Variants in LIMS4 observed in about 807,000 individuals in gnomAD.
LIMS4 encodes LIM zinc finger domain containing 4.
the LIMS4 span, among the ~76,000 whole-genome samples, chr2:110,368,769 TA>T: frequency 3.0e-5 from 4 of 134,130 alleles, no homozygotes; most frequent in African/African-American, 1.2e-4. Context: ...TCTCTAGCTG[TA>T]AATATAACCT....
the LIMS4 span, among the ~76,000 whole-genome samples, chr2:110,368,050 A>G: frequency 6.9e-6 from 1 of 144,854 alleles, no homozygotes; most frequent in Admixed American, 6.8e-5. Context: ...ATACATAAAC[A>G]TAATATATAT....
At chr2:110,397,006 C>T in the LIMS4 span, among the ~76,000 whole-genome samples, 1 of 2,498 alleles carries the variant, frequency 4.0e-4, no homozygotes, top group Non-Finnish European at 1.0e-3. Flanking sequence ...TCAGGAGCAG[C>T]GTACTCTCAA....
At chr2:110,397,814 C>T in the LIMS4 span, among the ~76,000 whole-genome samples, 2 of 902 alleles carry the variant, frequency 2.2e-3, no homozygotes, top group African/African-American at 6.5e-3. Context: ...TCAGTTTTCT[C>T]CCTCCACAAT....
chr2:110,401,462 CG>C, the LIMS4 span, among the ~76,000 whole-genome samples: 1 of 138,778 alleles, frequency 7.2e-6, no homozygotes, highest in African/African-American at 2.9e-5. Context: ...CTTTTCCAGG[CG>C]TAACAGAGGG....
chr2:110,372,080 G>A, the LIMS4 span, among the ~76,000 whole-genome samples: 2 of 149,184 alleles, frequency 1.3e-5, no homozygotes, highest in Non-Finnish European at 3.0e-5. Context: ...ACCTCAGCCA[G>A]CAAAGGAGAG....
the LIMS4 span, chr2:110,388,105 ATC>A: frequency 1.0e-5 from 1 of 99,234 alleles, no homozygotes; most frequent in Non-Finnish European, 1.9e-5. Context: ...GAATTGAAAT[ATC>A]TCTAGTCAAA....
the LIMS4 span, among the ~76,000 whole-genome samples, chr2:110,411,721 T>C: frequency 3.3e-5 from 3 of 90,650 alleles, no homozygotes; most frequent in Admixed American, 3.9e-4. Flanking sequence ...GACCAGCACC[T>C]CATCACCCCC....
At chr2:110,425,902 AAC>A in the LIMS4 span, among the ~76,000 whole-genome samples, 1 of 120,880 alleles carries the variant, frequency 8.3e-6, no homozygotes, top group East Asian at 2.2e-4. Flanking sequence ...CCTGCATTGC[AAC>A]ACCAGAATTG....
At chr2:110,367,821 T>C in the LIMS4 span, among the ~76,000 whole-genome samples, 7 of 139,456 alleles carry the variant, frequency 5.0e-5, no homozygotes, top group Non-Finnish European at 7.6e-5. Flanking sequence ...AGGTGGAGAT[T>C]GCAGTGAGTC....
At chr2:110,372,502 G>GT in the LIMS4 span, among the ~76,000 whole-genome samples, 15 of 142,762 alleles carry the variant, frequency 1.1e-4, no homozygotes, top group East Asian at 2.9e-3. Flanking sequence ...TCTTTTTTAT[G>GT]TTTTTTATTT....
chr2:110,419,746 T>C, the LIMS4 span, among the ~76,000 whole-genome samples: 2 of 17,116 alleles, frequency 1.2e-4, no homozygotes, highest in Non-Finnish European at 1.7e-4. Context: ...TTAACATAAT[T>C]AACTATAACT....
At chr2:110,368,908 T>TA in the LIMS4 span, among the ~76,000 whole-genome samples, 1 of 142,350 alleles carries the variant, frequency 7.0e-6, no homozygotes, top group Non-Finnish European at 1.5e-5. Flanking sequence ...TTTTTTTTTT[T>TA]TAACAGATTC....
chr2:110,372,704 C>T, the LIMS4 span, among the ~76,000 whole-genome samples: 1 of 148,828 alleles, frequency 6.7e-6, no homozygotes, highest in Non-Finnish European at 1.5e-5. Context: ...TGGGGTTTTG[C>T]CATGTTGGCC....
At chr2:110,425,335 G>A in the LIMS4 span, among the ~76,000 whole-genome samples, 1 of 141,824 alleles carries the variant, frequency 7.1e-6, no homozygotes, top group Admixed American at 6.9e-5. Flanking sequence ...AGTGGTGATT[G>A]CACCACTGTA....
chr2:110,425,609 A>C, the LIMS4 span, among the ~76,000 whole-genome samples: 1 of 142,046 alleles, frequency 7.0e-6, no homozygotes, highest in South Asian at 2.2e-4. Context: ...TGGTGGAATC[A>C]CCCTTAACCC....
the LIMS4 span, among the ~76,000 whole-genome samples, chr2:110,370,871 TAG>T: frequency 1.4e-5 from 2 of 139,156 alleles, no homozygotes; most frequent in South Asian, 2.3e-4. Context: ...TAGGTCAGAG[TAG>T]AGTTTTTAGG....
the LIMS4 span, among the ~76,000 whole-genome samples, chr2:110,372,411 GA>G: frequency 1.5e-5 from 2 of 135,924 alleles, no homozygotes; most frequent in Non-Finnish European, 3.0e-5. Flanking sequence ...CTCAGCGAGA[GA>G]AGCAGAAAAT....
At chr2:110,367,856 A>G in the LIMS4 span, among the ~76,000 whole-genome samples, 1 of 140,280 alleles carries the variant, frequency 7.1e-6, no homozygotes, top group Non-Finnish European at 1.5e-5. Flanking sequence ...ACACTCCAGC[A>G]TAAGGGACAG....
At chr2:110,415,180 A>G in the LIMS4 span, among the ~76,000 whole-genome samples, 1 of 136,052 alleles carries the variant, frequency 7.4e-6, no homozygotes, top group Non-Finnish European at 1.5e-5. Context: ...TATTGATAGC[A>G]TTCTCTGATG....
Sources: allele counts gnomAD v4.1 joint callset (sites outside exome capture counted in the v4.1 genomes callset), GRCh38; gene constraint gnomAD v4.1.1; transcripts MANE v1.5; gene names NCBI Gene and HGNC (gene_info 2026-07-23, HGNC 2026-07-21).